GRIP1: variants seen among roughly 807,000 people sequenced by gnomAD.
GRIP1 encodes glutamate receptor interacting protein 1.
Under a neutral mutation model 129.9 loss-of-function variants are expected in GRIP1, and 45 were observed. The ratio of observed to expected loss-of-function variants is 0.35; its 90% confidence interval spans 0.27 to 0.44. The LOEUF is 0.44. Ranked by LOEUF, GRIP1 falls within the 20% of genes least tolerant of loss-of-function variation. The pLI is 1.00. For synonymous variants in GRIP1, 530 were observed against 520.8 expected (o/e 1.02, Z -0.24); for missense variants, 1,196 against 1,396.8 (o/e 0.86, Z 2.29).
intron 1 of GRIP1, among the ~76,000 whole-genome samples, chr12:67,049,975 T>C (rs1170533143): frequency 6.6e-6 from 1 of 151,000 alleles, no homozygotes; most frequent in Admixed American, 6.6e-5. Flanking sequence ...AATTTCTTTT[T>C]TTTTTTTTTT....
chr12:66,361,528 C>T (rs969940618), intron 23 of GRIP1, among the ~76,000 whole-genome samples: 13 of 152,216 alleles, frequency 8.5e-5, no homozygotes, highest in Non-Finnish European at 1.3e-4. Flanking sequence ...GTAACAAAAA[C>T]GAAAGAGCTA....
intron 1 of GRIP1, among the ~76,000 whole-genome samples, chr12:66,781,591 C>A (rs964794152): frequency 6.6e-6 from 1 of 152,130 alleles, no homozygotes; most frequent in Non-Finnish European, 1.5e-5. Flanking sequence ...GAATTTTTTT[C>A]ATCTCCCTCT....
intron 1 of GRIP1, among the ~76,000 whole-genome samples, chr12:66,846,187 T>C (rs530599006): frequency 3.3e-5 from 5 of 152,346 alleles, no homozygotes; most frequent in African/African-American, 1.2e-4. Context: ...AAGTCTACTC[T>C]ATACCCTCCT....
chr12:66,511,652 G>A (rs1337682790), intron 7 of GRIP1, among the ~76,000 whole-genome samples: 3 of 152,118 alleles, frequency 2.0e-5, no homozygotes, highest in East Asian at 3.9e-4. Context: ...TCTTTTAGAG[G>A]AGATCAGTCT....
chr12:66,576,316 T>A (rs2063137734), intron 2 of GRIP1, among the ~76,000 whole-genome samples: 1 of 152,212 alleles, frequency 6.6e-6, no homozygotes, highest in Non-Finnish European at 1.5e-5. Context: ...CATGCATGGG[T>A]AAAAGGCAAG....
intron 4 of GRIP1, among the ~76,000 whole-genome samples, chr12:66,534,914 G>A (rs2061562480): frequency 6.6e-6 from 1 of 151,970 alleles, no homozygotes; most frequent in Non-Finnish European, 1.5e-5. Context: ...GGCTGGTCTC[G>A]AGCTCCTGAA....
At chr12:66,882,452 C>G (rs1203146277) in intron 1 of GRIP1, among the ~76,000 whole-genome samples, 1 of 152,092 alleles carries the variant, frequency 6.6e-6, no homozygotes, top group African/African-American at 2.4e-5. Context: ...AGGAGCCAGC[C>G]GAGCTGAACC....
intron 1 of GRIP1, among the ~76,000 whole-genome samples, chr12:66,764,010 T>C (rs1225037302): frequency 6.6e-6 from 1 of 152,198 alleles, no homozygotes; most frequent in Admixed American, 6.5e-5. Context: ...GTCCATACTC[T>C]AAGTGCCAAG....
intron 1 of GRIP1, among the ~76,000 whole-genome samples, chr12:67,003,625 G>A (rs1376098224): frequency 2.6e-5 from 4 of 151,976 alleles, no homozygotes; most frequent in East Asian, 1.9e-4. Context: ...CCCAGGAGGC[G>A]GAGGTTGCAG....
At chr12:66,704,179 GT>G (rs918427500) in intron 1 of GRIP1, among the ~76,000 whole-genome samples, 3 of 151,976 alleles carry the variant, frequency 2.0e-5, no homozygotes, top group African/African-American at 7.2e-5. Flanking sequence ...ATAAACTTTA[GT>G]TTGATAAGCA....
chr12:66,640,690 C>T (rs528769033), intron 1 of GRIP1, among the ~76,000 whole-genome samples: 1 of 152,228 alleles, frequency 6.6e-6, no homozygotes, highest in East Asian at 1.9e-4. Flanking sequence ...GGGCCATTTT[C>T]TCCACACACA....
intron 1 of GRIP1, among the ~76,000 whole-genome samples, chr12:66,858,973 A>T (rs564144653): frequency 1.3e-5 from 2 of 152,114 alleles, no homozygotes; most frequent in South Asian, 4.2e-4. Flanking sequence ...CCCATCAACA[A>T]ATGATCACTA....
intron 12 of GRIP1, 85 bp downstream of exon 12, chr12:66,445,237 T>C (rs2138111113): frequency 1.9e-6 from 2 of 1,037,822 alleles, no homozygotes; most frequent in Non-Finnish European, 3.0e-6. Flanking sequence ...CATTGAGCAA[T>C]GTTTCATAAT....
intron 24 of GRIP1, among the ~76,000 whole-genome samples, chr12:66,351,497 C>G (rs2137065696): frequency 6.6e-6 from 1 of 151,762 alleles, no homozygotes; most frequent in African/African-American, 2.4e-5. Flanking sequence ...AAGGTACTAT[C>G]CCTGCTCTCA....
At chr12:66,671,421 C>T (rs1488703664) in intron 1 of GRIP1, among the ~76,000 whole-genome samples, 1 of 152,106 alleles carries the variant, frequency 6.6e-6, no homozygotes, top group Non-Finnish European at 1.5e-5. Context: ...TACCTCCCTA[C>T]TGGTTCTATC....
chr12:66,374,473 G>A (rs564158988), intron 22 of GRIP1, among the ~76,000 whole-genome samples: 1 of 152,196 alleles, frequency 6.6e-6, no homozygotes, highest in South Asian at 2.1e-4. Flanking sequence ...CAGGCCTGAG[G>A]CACCGCACCT....
chr12:66,394,769 G>A (rs1157508854), intron 16 of GRIP1, among the ~76,000 whole-genome samples: 5 of 152,218 alleles, frequency 3.3e-5, no homozygotes, highest in African/African-American at 7.2e-5. Context: ...ATTGGGTCAC[G>A]CTGTTTCCGT....
intron 1 of GRIP1, among the ~76,000 whole-genome samples, chr12:66,819,488 T>C (rs2136979492): frequency 6.6e-6 from 1 of 152,342 alleles, no homozygotes; most frequent in East Asian, 1.9e-4. Flanking sequence ...CGTTAATAAA[T>C]ATTTATTGAA....
chr12:66,390,580 T>A (rs2056545349), intron 19 of GRIP1, among the ~76,000 whole-genome samples: 1 of 152,192 alleles, frequency 6.6e-6, no homozygotes, highest in South Asian at 2.1e-4. Context: ...TGGTCCTGTG[T>A]CTGTGGTTTC....
Sources: allele counts gnomAD v4.1 joint callset (sites outside exome capture counted in the v4.1 genomes callset), GRCh38; gene constraint gnomAD v4.1.1; transcripts MANE v1.5; gene names NCBI Gene and HGNC (gene_info 2026-07-23, HGNC 2026-07-21).